Variants in ALLC observed in about 807,000 individuals in gnomAD.
ALLC encodes the protein allantoicase.
In ALLC, 40 loss-of-function variants were observed where a neutral mutation model predicts 45.0. The observed-to-expected ratio is 0.89, with a 90% CI of 0.69 to 1.16. The LOEUF (loss-of-function observed/expected upper bound fraction) is 1.16. Among genes scored for constraint, ALLC ranks in the 50% most tolerant of loss-of-function variants. The pLI is 0.00. For missense variants in ALLC, 488 were observed against 493.1 expected, an observed-to-expected ratio of 0.99 and a Z score of 0.10; for synonymous variants, 176 against 178.1, an observed-to-expected ratio of 0.99 and a Z score of 0.09.
rs762027784 is a variant in ALLC at position 3,702,354 on chromosome 2, G to A, written c.976-9G>A. On this transcript the variant is annotated splice_polypyrimidine_tract_variant and intron_variant, in intron 11 of 11. Transcript: ENST00000252505. Reference sequence around the variant, plus strand: ...CAGACTAGGACCTCTGCATCTGCTTGCTTTTCAGTTGTCTCCCAACCAAAG... The same window carrying A: ...CAGACTAGGACCTCTGCATCTGCTTACTTTTCAGTTGTCTCCCAACCAAAG... The A allele has an allele frequency of 1.2e-6, 2 of 1,612,248 alleles. No individual in the cohort carries two copies. Among genetic ancestry groups the A allele is most frequent in the Non-Finnish European group, 1.7e-6 (2 of 1,179,390 alleles).
At chr2:3,653,176 C>T in the ALLC span, among the ~76,000 whole-genome samples, 3 of 152,266 alleles carry the variant, frequency 2.0e-5, no homozygotes, top group Non-Finnish European at 4.4e-5. This position sits in a 1 kb window ranked among gnomAD's most constrained non-coding sequence, Gnocchi z 4.1. Flanking sequence ...GAAGCCTCCA[C>T]TCAGAGCTGG....
chr2:3,670,912 G>A (rs1011192271), intron 1 of ALLC, among the ~76,000 whole-genome samples, 184 bp from the exon 2 acceptor site: 2 of 143,358 alleles, frequency 1.4e-5, no homozygotes, highest in South Asian at 4.4e-4. Context: ...GCGTGTTTAA[G>A]CAAAGTCTCT....
At chr2:3,682,251 A>C (rs1390642101) in intron 6 of ALLC, among the ~76,000 whole-genome samples, 1 of 152,220 alleles carries the variant, frequency 6.6e-6, no homozygotes, top group Admixed American at 6.5e-5. Context: ...AAATGGTTGC[A>C]AGGCTCAGGC....
At chr2:3,656,263 G>T (rs1002560183), upstream of ALLC, among the ~76,000 whole-genome samples, 1 of 152,200 alleles carries the variant, frequency 6.6e-6, no homozygotes. Context: ...TCATGTCTTG[G>T]CAGGACCAAG....
intron 10 of ALLC, among the ~76,000 whole-genome samples, chr2:3,700,557 C>T (rs1050288657): frequency 4.6e-5 from 7 of 152,156 alleles, no homozygotes; most frequent in African/African-American, 1.7e-4. Context: ...CTGTCAAACA[C>T]TCAGGATACC....
At chr2:3,691,932 C>G (rs1667528130) in intron 7 of ALLC, among the ~76,000 whole-genome samples, 1 of 152,038 alleles carries the variant, frequency 6.6e-6, no homozygotes. Context: ...ATACGTTTTT[C>G]CATTCAAAGT....
chr2:3,668,566 CTTTTTTTTT>C (rs1173613810), intron 1 of ALLC, among the ~76,000 whole-genome samples: 9 of 71,888 alleles, frequency 1.3e-4, no homozygotes, highest in African/African-American at 3.7e-4. Context: ...ATGTGTATGA[CTTTTTTTTT>C]TTTTTTTTTT....
chr2:3,678,339 T>G, intron 3 of ALLC, 129 bp from the exon 4 acceptor site: 1 of 671,654 alleles, frequency 1.5e-6, no homozygotes. Flanking sequence ...GGCATGAAGG[T>G]GGTGGCAGAG....
In ALLC at chr2:3,665,485, C is replaced by T. The variant is rs572915740; in HGVS notation, c.-62-5611C>T. On this transcript the variant is annotated intron_variant, in intron 1 of 11. Coordinates refer to ENST00000252505, the MANE Select transcript of ALLC (RefSeq NM_018436.4). Reference sequence around the variant, plus strand: ...CCTCCTCCCCCCACCCCCGACAGGCCGGAGTATGTGATGTTCCCCTTCCTG... The same window carrying T: ...CCTCCTCCCCCCACCCCCGACAGGCTGGAGTATGTGATGTTCCCCTTCCTG... Among the ~76,000 whole-genome samples, 9 of 152,230 alleles carry T rather than the reference C, an allele frequency of 5.9e-5. No individual in the cohort carries two copies. The South Asian group carries it at 1.2e-3, about 21-fold the overall frequency.
At chr2:3,665,272 CT>C (rs68008447) in intron 1 of ALLC, among the ~76,000 whole-genome samples, 3 of 150,928 alleles carry the variant, frequency 2.0e-5, no homozygotes, top group African/African-American at 2.4e-5. Flanking sequence ...ATTCTTTTCC[CT>C]TTTTTTTTGT....
chr2:3,673,878 GAGA>G (rs1293707303), intron 2 of ALLC, among the ~76,000 whole-genome samples, 194 bp from the exon 3 acceptor site: 2 of 152,350 alleles, frequency 1.3e-5, no homozygotes, highest in East Asian at 1.9e-4. Flanking sequence ...AGGGTGGGAA[GAGA>G]AGAAGAAGGA....
At chr2:3,668,402 C>T (rs749411364) in intron 1 of ALLC, among the ~76,000 whole-genome samples, 7 of 151,952 alleles carry the variant, frequency 4.6e-5, no homozygotes, top group Non-Finnish European at 1.0e-4. Flanking sequence ...CAGGGAATGA[C>T]TTTTGTTTCT....
chr2:3,660,501 A>G (rs1049304876), intron 1 of ALLC, among the ~76,000 whole-genome samples: 1 of 152,136 alleles, frequency 6.6e-6, no homozygotes, highest in African/African-American at 2.4e-5. Context: ...TTATAAATAA[A>G]GTTTCGGTGC....
intron 6 of ALLC, 33 bp from the exon 7 acceptor site, chr2:3,682,909 A>G (rs1195781021): frequency 2.5e-6 from 4 of 1,608,980 alleles, no homozygotes; most frequent in Non-Finnish European, 2.5e-6. Flanking sequence ...TGTTTTCAAG[A>G]GCAATTGCTG....
rs556451699 is a variant in ALLC, at chr2:3,682,564, G to C, written c.379-378G>C. On this transcript the variant is annotated intron_variant, in intron 6 of 11. Coordinates refer to ENST00000252505, the MANE Select transcript of ALLC (RefSeq NM_018436.4). ...TTTTTGGGACGGAGTCTCGCTCTGT[G>C]GCCCAGGCTGGAGTGCAGGGGCGCG... Among the ~76,000 whole-genome samples, 50 of 152,174 alleles carry C rather than the reference G, an allele frequency of 3.3e-4. No homozygotes were observed. In the South Asian group the frequency reaches 4.6e-3, roughly 14 times the overall value.
intron 1 of ALLC, among the ~76,000 whole-genome samples, chr2:3,660,250 A>G (rs1666538542): frequency 6.6e-6 from 1 of 152,138 alleles, no homozygotes; most frequent in Non-Finnish European, 1.5e-5. Flanking sequence ...TGGTGGCTGC[A>G]CGCCGGCTCC....
intron 1 of ALLC, among the ~76,000 whole-genome samples, chr2:3,666,865 G>T (rs1377105167): frequency 1.3e-5 from 2 of 152,184 alleles, no homozygotes; most frequent in Admixed American, 1.3e-4. Flanking sequence ...CCTCTTTGAC[G>T]ACAGGCCTGT....
intron 1 of ALLC, among the ~76,000 whole-genome samples, chr2:3,667,337 C>T (rs1010741900): frequency 1.3e-5 from 2 of 152,336 alleles, no homozygotes; most frequent in Non-Finnish European, 1.5e-5. Context: ...TGCTCAGCCC[C>T]GGGCATGGCG....
chr2:3,700,810 A>G lies in ALLC; in HGVS notation c.851-702A>G, dbSNP rs552243942. On this transcript the variant is annotated intron_variant, in intron 10 of 11. Transcript: ENST00000252505. ...CTACCGTTTTAAGAGATGGGCCACA[A>G]AGGGGGCATGTGAGCCACAGTCTCC... Among the ~76,000 whole-genome samples the G allele has an allele frequency of 2.6e-5, 4 of 152,308 alleles. 1 individual carries two copies. The highest frequency in any genetic ancestry group is 3.9e-4 in the East Asian group (2 of 5,182).
Sources: gnomAD v4.1 joint callset for allele counts (sites outside exome capture counted in the v4.1 genomes callset) on GRCh38, gnomAD v4.1.1 for gene constraint, Gnocchi (gnomAD v3.1) non-coding constraint, MANE v1.5 for transcripts, NCBI Gene and HGNC (gene_info 2026-07-23, HGNC 2026-07-21) for gene names.